ROBO2: variants seen among roughly 807,000 people sequenced by gnomAD.
ROBO2 encodes roundabout guidance receptor 2, also known as roundabout homolog 2.
Under a neutral mutation model 160.8 loss-of-function variants are expected in ROBO2, and 53 were observed. The observed-to-expected ratio is 0.33, with a 90% CI of 0.26 to 0.41. The LOEUF (loss-of-function observed/expected upper bound fraction) is 0.41, where lower values mean the gene tolerates loss of function less well. Among genes scored for constraint, ROBO2 ranks in the 10% least tolerant of loss-of-function variants. The probability of loss-of-function intolerance (pLI) is 1.00; values close to 1 mark genes in which losing one functional copy is unlikely to be tolerated. For synonymous variants in ROBO2, 664 were observed against 611.7 expected (o/e 1.09, Z -1.26); for missense variants, 1,577 against 1,722.4 (o/e 0.92, Z 1.49).
chr3:77,106,897 G>T (rs1052952804), intron 2 of ROBO2, among the ~76,000 whole-genome samples: 1 of 152,152 alleles, frequency 6.6e-6, no homozygotes, highest in Non-Finnish European at 1.5e-5. Context: ...CCCCAGGTTG[G>T]GTTGTTTCTC....
At chr3:76,576,005 C>G (rs1437227397) in intron 2 of ROBO2, among the ~76,000 whole-genome samples, 1 of 151,862 alleles carries the variant, frequency 6.6e-6, no homozygotes, top group Non-Finnish European at 1.5e-5. Context: ...GGAAGAATTT[C>G]AGTATAAAGT....
At chr3:76,435,820 T>A (rs1435947633) in intron 2 of ROBO2, among the ~76,000 whole-genome samples, 1 of 152,180 alleles carries the variant, frequency 6.6e-6, no homozygotes, top group African/African-American at 2.4e-5. Flanking sequence ...AATCTTTTTT[T>A]AACAATGAGC....
intron 2 of ROBO2, among the ~76,000 whole-genome samples, chr3:77,299,571 A>T (rs1384496998): frequency 6.6e-6 from 1 of 152,176 alleles, no homozygotes; most frequent in Non-Finnish European, 1.5e-5. Flanking sequence ...AAACCATCAG[A>T]TTCCCTGAGA....
chr3:76,658,967 C>T (rs530318096), intron 2 of ROBO2, among the ~76,000 whole-genome samples: 16 of 152,194 alleles, frequency 1.1e-4, no homozygotes, highest in South Asian at 8.3e-4. Context: ...GATACAATGA[C>T]GGTATGAATT....
intron 2 of ROBO2, among the ~76,000 whole-genome samples, chr3:76,110,111 G>A (rs971415341): frequency 4.6e-5 from 7 of 151,330 alleles, no homozygotes; most frequent in Admixed American, 2.0e-4. Flanking sequence ...CTAGATATAT[G>A]GGAAGTCTTC....
intron 2 of ROBO2, among the ~76,000 whole-genome samples, chr3:77,330,689 CA>C (rs1463325684): frequency 6.6e-6 from 1 of 152,040 alleles, no homozygotes; most frequent in Non-Finnish European, 1.5e-5. Flanking sequence ...GTGGACAACT[CA>C]AGAAAGAAAA....
intron 2 of ROBO2, among the ~76,000 whole-genome samples, chr3:76,639,188 G>A (rs2090500898): frequency 6.6e-6 from 1 of 151,842 alleles, no homozygotes; most frequent in African/African-American, 2.4e-5. Flanking sequence ...ATGTATACAT[G>A]TGTATATGTA....
intron 2 of ROBO2, among the ~76,000 whole-genome samples, chr3:75,994,977 G>A (rs1284273351): frequency 6.6e-6 from 1 of 152,198 alleles, no homozygotes; most frequent in East Asian, 1.9e-4. Flanking sequence ...GAGATCTATG[G>A]AACTTTGAAC....
intron 23 of ROBO2, among the ~76,000 whole-genome samples, chr3:77,627,250 C>A (rs2095047609): frequency 3.3e-5 from 5 of 151,980 alleles, no homozygotes; most frequent in African/African-American, 1.2e-4. Context: ...GCTTATTTTG[C>A]TTTCCATATA....
At chr3:77,454,206 T>G (rs760510832) in intron 2 of ROBO2, among the ~76,000 whole-genome samples, 16 of 152,034 alleles carry the variant, frequency 1.1e-4, no homozygotes, top group Non-Finnish European at 1.8e-4. Flanking sequence ...TCTGGGACAC[T>G]GATATTTTAA....
chr3:76,307,578 T>C (rs2071389087), intron 2 of ROBO2, among the ~76,000 whole-genome samples: 1 of 151,884 alleles, frequency 6.6e-6, no homozygotes, highest in Non-Finnish European at 1.5e-5. Flanking sequence ...CTAAAGAAGA[T>C]TCCAAGCCAC....
chr3:76,642,341 C>CTTTT lies in ROBO2; in HGVS notation c.110-455647_110-455644dup, dbSNP rs71104611. On this transcript the variant is annotated intron_variant, in intron 2 of 26. Coordinates refer to the ROBO2 transcript ENST00000487694. Reference sequence around the variant, plus strand: ...GCTAATTCAGAAATATTTACACTTGCTTTTTTTTTTTTTTTTTTTTTTTTT... The same window carrying CTTTT: ...GCTAATTCAGAAATATTTACACTTGCTTTTTTTTTTTTTTTTTTTTTTTTTTTTT... Among the ~76,000 whole-genome samples, 55 of 62,216 alleles carry CTTTT rather than the reference C, an allele frequency of 8.8e-4. 1 individual carries two copies. Among genetic ancestry groups the CTTTT allele is most frequent in the Non-Finnish European group, 1.1e-3 (35 of 33,292 alleles). The allele number at this position is 62,216 out of a possible 152,430, so 40.8% of individuals were successfully genotyped here.
chr3:77,622,935 T>C (rs747488962), intron 23 of ROBO2, among the ~76,000 whole-genome samples: 13 of 152,174 alleles, frequency 8.5e-5, no homozygotes, highest in Non-Finnish European at 1.6e-4. Context: ...ATAAACCATA[T>C]GTTTATGCAT....
chr3:77,514,531 A>G (rs770905306), intron 5 of ROBO2, among the ~76,000 whole-genome samples: 4 of 151,794 alleles, frequency 2.6e-5, no homozygotes, highest in Non-Finnish European at 5.9e-5. Context: ...GTACTTATAA[A>G]GAGTTCCAGT....
intron 2 of ROBO2, among the ~76,000 whole-genome samples, chr3:76,105,710 G>T (rs1004604207): frequency 6.6e-6 from 1 of 152,026 alleles, no homozygotes; most frequent in African/African-American, 2.4e-5. Context: ...TAGAAGGAGA[G>T]AACACTTGCA....
intron 2 of ROBO2, among the ~76,000 whole-genome samples, chr3:76,043,972 G>A (rs546163567): frequency 1.3e-5 from 2 of 152,068 alleles, no homozygotes; most frequent in African/African-American, 4.8e-5. Flanking sequence ...GAGTGGTGGT[G>A]TTTTACACCC....
intron 2 of ROBO2, among the ~76,000 whole-genome samples, chr3:76,316,262 T>G (rs1340595212): frequency 1.3e-5 from 2 of 152,240 alleles, no homozygotes; most frequent in Admixed American, 6.5e-5. Context: ...GACCAGGGCG[T>G]ATCTCAGTCC....
chr3:76,910,380 A>G (rs755585479), intron 2 of ROBO2, among the ~76,000 whole-genome samples: 3 of 152,136 alleles, frequency 2.0e-5, no homozygotes, highest in Non-Finnish European at 4.4e-5. Flanking sequence ...AATGATGAGA[A>G]AGCAGTACAA....
intron 2 of ROBO2, among the ~76,000 whole-genome samples, chr3:77,474,690 A>T (rs1387421577): frequency 7.0e-6 from 1 of 142,818 alleles, no homozygotes; most frequent in Non-Finnish European, 1.5e-5. Context: ...ACACACACAC[A>T]CTCAATTTAG....
Sources: allele counts gnomAD v4.1 joint callset (sites outside exome capture counted in the v4.1 genomes callset), GRCh38; gene constraint gnomAD v4.1.1; transcripts MANE v1.5; gene names NCBI Gene and HGNC (gene_info 2026-07-23, HGNC 2026-07-21).